VWA7: variants seen among roughly 807,000 people sequenced by gnomAD.
The protein encoded by VWA7 is von Willebrand factor A domain-containing protein 7.
A neutral mutation model predicts 83.1 loss-of-function variants in VWA7; 66 were observed. The ratio of observed to expected loss-of-function variants is 0.79; its 90% CI spans 0.65 to 0.98. VWA7 has a LOEUF of 0.98. VWA7 is among the 50% of genes least tolerant of loss of function. The probability of loss-of-function intolerance (pLI) is 0.00; values close to 1 mark genes in which losing one functional copy is unlikely to be tolerated. For synonymous variants in VWA7, 424 were observed against 488.5 expected, an observed-to-expected ratio of 0.87 and a Z score of 1.74; for missense variants, 1,080 against 1,160.2, an observed-to-expected ratio of 0.93 and a Z score of 1.00.
At position 31,769,807 on chromosome 6, in the gene VWA7, A is replaced by G. The variant is rs1220622482; in HGVS notation, c.1201-16T>C. Reference sequence around the variant, plus strand: ...GCAGGGCCAGCTGGCAGGGAAGGCAACGACCAGTGTTAACAATGGCAGTAG... The same window carrying G: ...GCAGGGCCAGCTGGCAGGGAAGGCAGCGACCAGTGTTAACAATGGCAGTAG... On this transcript the variant is annotated splice_polypyrimidine_tract_variant and intron_variant, in intron 8 of 16. Coordinates refer to ENST00000375688, the MANE Select transcript of VWA7 (RefSeq NM_025258.3). This position sits in a 1 kb window ranked among gnomAD's most constrained non-coding sequence, Gnocchi z 4.5. The G allele has an allele frequency of 3.1e-6, 5 of 1,608,862 alleles. No homozygotes were observed. The Admixed American group carries it at 8.3e-5, about 27-fold the overall frequency.
In VWA7 at chr6:31,773,241, C is replaced by G; in HGVS notation, c.917+1G>C. 1 of 1,601,212 alleles carries G rather than the reference C, an allele frequency of 6.2e-7. No homozygotes were observed. Among genetic ancestry groups the G allele is most frequent in the Non-Finnish European group, 8.5e-7 (1 of 1,174,324 alleles). ...GGGTCCATCCCCAGGAGGCCACTCA[C>G]CTGGAGAAATCCCTGTCTCCCAGGC... On this transcript the variant is annotated splice_donor_variant, in intron 6 of 16. Coordinates refer to ENST00000375688, the MANE Select transcript of VWA7 (RefSeq NM_025258.3). LOFTEE classifies it high-confidence loss of function. The surrounding 1 kb of genome is among the most constrained non-coding windows in gnomAD (Gnocchi z 5.3).
In VWA7 at chr6:31,776,449, G is replaced by C. The variant is rs1812697403; in HGVS notation, c.234+97C>G. 7.1e-6 allele frequency: 9 copies of C among 1,266,182 alleles called. No individual in the cohort carries two copies. In the East Asian group the frequency reaches 2.3e-4, roughly 32 times the overall value. 78.4% of individuals were successfully genotyped at this position (1,266,182 alleles called of 1,614,324 possible). ...TTATTGCTGCAGGGGTGGGGCCATG[G>C]GTGTCTCTTCTCTTGGCAACCAGAG... On this transcript the variant is annotated intron_variant, in intron 2 of 16. Coordinates refer to ENST00000375688, the MANE Select transcript of VWA7 (RefSeq NM_025258.3). The surrounding 1 kb of genome is among the most constrained non-coding windows in gnomAD (Gnocchi z 6.2).
At chr6:31,774,416 G>A in intron 5 of VWA7, 100 bp downstream of exon 5, 1 of 1,135,904 alleles carries the variant, frequency 8.8e-7, no homozygotes, top group Admixed American at 2.1e-5. Flanking sequence ...CTCCTCCTAG[G>A]AGGAGATGCC....
chr6:31,766,450 C>T lies in VWA7; in HGVS notation c.2184+13G>A, dbSNP rs746605859. ...CTCTCCAGCCCCAGCCGCACTTTCC[C>T]CTGGCGTCTCACCTCCAGAAGGACA... On this transcript the variant is annotated intron_variant, in intron 14 of 16. Transcript: ENST00000375688. This position sits in a 1 kb window ranked among gnomAD's most constrained non-coding sequence, Gnocchi z 4.9. 2 of 1,582,366 alleles carry T rather than the reference C, an allele frequency of 1.3e-6. No homozygotes were observed. Among genetic ancestry groups the T allele is most frequent in the Middle Eastern group, 1.7e-4 (1 of 6,010 alleles).
At chr6:31,770,657 G>T (rs1581601738) in intron 7 of VWA7, among the ~76,000 whole-genome samples, 1 of 151,582 alleles carries the variant, frequency 6.6e-6, no homozygotes, top group East Asian at 1.9e-4. Context: ...TCCCTGGTGG[G>T]AAGGTGGCCT....
chr6:31,767,212 G>A lies in VWA7; in HGVS notation c.1828C>T (p.Pro610Ser). ...SLDFLFHFGI[P>S]MEDGPHPGLY... ...CCAGGGTGGGGTCCATCCTCCATGG[G>A]GATCCCAAAGTGGAAGAGGAAGTCC... The change falls in exon 13 of 17, where the codon CCC becomes TCC. Residue 610 changes from proline to serine, a missense_variant. Transcript: ENST00000375688. 2 of 1,604,848 alleles carry A rather than the reference G, an allele frequency of 1.2e-6. No individual in the cohort carries two copies. The highest frequency in any genetic ancestry group is 1.7e-6 in the Non-Finnish European group (2 of 1,177,076).
At chr6:31,771,023 A>AAG (rs1812127723) in intron 7 of VWA7, among the ~76,000 whole-genome samples, 12 of 149,642 alleles carry the variant, frequency 8.0e-5, no homozygotes. Context: ...AAAAAAAAAA[A>AAG]AAAGAAAGAA....
In VWA7 at chr6:31,766,994, G is replaced by C. The variant is rs1280485663; in HGVS notation, c.1882+164C>G. 6.6e-6 allele frequency among the ~76,000 whole-genome samples: 1 copy of C among 150,620 alleles called. No homozygotes were observed. Among genetic ancestry groups the C allele is most frequent in the Non-Finnish European group, 1.5e-5 (1 of 67,836 alleles). ...AATCCATCAAACTGTACACTTTAGT[G>C]CACATTATGTAAATTATAACTCAAT... On this transcript the variant is annotated intron_variant, in intron 13 of 16. Coordinates refer to ENST00000375688, the MANE Select transcript of VWA7 (RefSeq NM_025258.3). The surrounding 1 kb of genome is among the most constrained non-coding windows in gnomAD (Gnocchi z 4.9).
rs770847995 is a variant in VWA7 at position 31,767,387 on chromosome 6, C to T, written c.1764G>A (p.Glu588=). Residue 588 remains glutamate, a synonymous_variant, in exon 12 of 17, where the codon GAG becomes GAA. Transcript: ENST00000375688. The part of the protein sequence containing the change: ...TGTWEIQVTA[E]DTPGVRVQAQ... ...CTTGCACTCTCACCCCAGGGGTGTC[C>T]TCAGCTGTGACCTGGATCTCCCAGG... The T allele has an allele frequency of 1.9e-6, 3 of 1,613,106 alleles. No homozygotes were observed. The highest frequency in any genetic ancestry group is 2.7e-5 in the African/African-American group (2 of 74,854).
At position 31,769,725 on chromosome 6, in the gene VWA7, C is replaced by G. The variant is rs1055928650; in HGVS notation, c.1267G>C (p.Ala423Pro). Residue 423 changes from alanine (A) to proline (P), a missense_variant, in exon 9 of 17, where the codon GCC becomes CCC. Physicochemically the swap from Ala to Pro is conservative, Grantham distance 27. Coordinates refer to ENST00000375688, the MANE Select transcript of VWA7 (RefSeq NM_025258.3). The surrounding 1 kb of genome is among the most constrained non-coding windows in gnomAD (Gnocchi z 4.5). Reference sequence around the variant, plus strand: ...GATTCCACCTGGTTGGTGAGAAAGGCATCCTTGGGGGAGGCATCCGTGAAG... The same window carrying G: ...GATTCCACCTGGTTGGTGAGAAAGGGATCCTTGGGGGAGGCATCCGTGAAG... ...FVFTDASPKDAFLTNQVESLT... is the reference protein window; with the variant it reads ...FVFTDASPKDPFLTNQVESLT... The G allele has an allele frequency of 3.1e-6, 5 of 1,613,060 alleles. No individual in the cohort carries two copies. The highest frequency in any genetic ancestry group is 4.2e-6 in the Non-Finnish European group (5 of 1,180,030).
In VWA7 at chr6:31,766,212, G is replaced by A. The variant is rs1340739696; in HGVS notation, c.2324+33C>T. Reference sequence around the variant, plus strand: ...GGGATAAGCATTGGCCGGGCAAGATGCCAGAGGGAGCTGGAGGGTTCATGA... The same window carrying A: ...GGGATAAGCATTGGCCGGGCAAGATACCAGAGGGAGCTGGAGGGTTCATGA... On this transcript the variant is annotated intron_variant, in intron 15 of 16. Coordinates refer to ENST00000375688, the MANE Select transcript of VWA7 (RefSeq NM_025258.3). The surrounding 1 kb of genome is among the most constrained non-coding windows in gnomAD (Gnocchi z 4.9). 1.9e-6 allele frequency: 3 copies of A among 1,608,548 alleles called. No individual in the cohort carries two copies. Among genetic ancestry groups the A allele is most frequent in the Non-Finnish European group, 2.5e-6 (3 of 1,177,904 alleles).
rs1299279374 is a variant in VWA7, at chr6:31,766,482, A to T, written c.2165T>A (p.Val722Glu). 6.2e-7 allele frequency: 1 copy of T among 1,600,500 alleles called. No homozygotes were observed. Among genetic ancestry groups the T allele is most frequent in the Admixed American group, 1.7e-5 (1 of 58,506 alleles). Residue 722 changes from valine to glutamate, a missense_variant, in exon 14 of 17, where the codon GTA (valine) becomes GAA (glutamate). Transcript: ENST00000375688. The surrounding 1 kb of genome is among the most constrained non-coding windows in gnomAD (Gnocchi z 4.9). ...TCTCACCTCCAGAAGGACAGGGACT[A>T]CAGTGCTAGGCTGAGGGGCAGCCCT... ...LHRAAPQPST[V>E]VPVLLELSGP... is the part of the protein sequence containing the mutation.
intron 5 of VWA7, 44 bp downstream of exon 5, chr6:31,774,472 A>C: frequency 6.4e-7 from 1 of 1,570,436 alleles, no homozygotes; most frequent in Non-Finnish European, 8.7e-7. Context: ...CTGTAAGGGA[A>C]TGACTTTCTC....
In VWA7 at chr6:31,766,018, C is replaced by CA. The variant is rs1562262258; in HGVS notation, c.2363dup (p.Trp789ValfsTer56). 4.3e-6 allele frequency: 7 copies of CA among 1,612,794 alleles called. No homozygotes were observed. Among genetic ancestry groups the CA allele is most frequent in the Non-Finnish European group, 5.1e-6 (6 of 1,180,000 alleles). On this transcript the variant is annotated frameshift_variant, in exon 16 of 17. Transcript: ENST00000375688. LOFTEE classifies it high-confidence loss of function. The surrounding 1 kb of genome is among the most constrained non-coding windows in gnomAD (Gnocchi z 4.9). The stretch of plus-strand genomic sequence containing the variant: ...CCGCTGAATCTGGGACCTCCAGCCA[C>CA]AGGCGGCCCCAGGCCGACTCATTCA...
At chr6:31,770,148 A>G (rs1812038526) in intron 7 of VWA7, 35 bp from the exon 8 acceptor site, 1 of 1,572,808 alleles carries the variant, frequency 6.4e-7, no homozygotes, top group Non-Finnish European at 8.7e-7. Context: ...ATAAGTGAGG[A>G]AAGAGCTCCC....
chr6:31,775,226 G>T lies in VWA7; in HGVS notation c.610+107C>A. On this transcript the variant is annotated intron_variant, in intron 4 of 16. Coordinates refer to ENST00000375688, the MANE Select transcript of VWA7 (RefSeq NM_025258.3). This position sits in a 1 kb window ranked among gnomAD's most constrained non-coding sequence, Gnocchi z 5.9. ...ACTGGGGGACCTCAGTCCTTGTGGA[G>T]ATTAAGTAACATCATACCCTCTGGG... The T allele has an allele frequency of 1.0e-6, 1 of 986,302 alleles. No homozygotes were observed. Among genetic ancestry groups the T allele is most frequent in the Non-Finnish European group, 1.5e-6 (1 of 683,484 alleles). The allele number at this position is 986,302 out of a possible 1,614,324, so 61.1% of individuals were successfully genotyped here.
rs1811928787 is a variant in VWA7, at chr6:31,769,167, G to C, written c.1354C>G (p.Gln452Glu). 6.2e-7 allele frequency: 1 copy of C among 1,613,082 alleles called. No individual in the cohort carries two copies. The highest frequency in any genetic ancestry group is 8.5e-7 in the Non-Finnish European group (1 of 1,180,042). Residue 452 changes from glutamine (Q) to glutamate (E), a missense_variant, in exon 10 of 17, where the codon CAG (glutamine) becomes GAG (glutamate). By Grantham distance (29) the Gln-to-Glu change is conservative. Transcript: ENST00000375688. This position sits in a 1 kb window ranked among gnomAD's most constrained non-coding sequence, Gnocchi z 4.5. ...FLVTEDTSRV[Q>E]GRARREILSP... ...AAGATCTCACGCCGAGCTCGACCCT[G>C]AACCCTTGATGTATCTTCAGTCACC...
intron 10 of VWA7, among the ~76,000 whole-genome samples, chr6:31,768,139 C>CAAAAAAA (rs9279412): frequency 2.5e-4 from 19 of 77,094 alleles, no homozygotes; most frequent in African/African-American, 7.7e-4. Context: ...GACTCTGTCT[C>CAAAAAAA]AAAAAAAAAA....
rs1812517615 is a variant in VWA7, at chr6:31,774,630, G to A, written c.611-4C>T. The stretch of plus-strand genomic sequence containing the variant: ...TCGGAGCAGGTAGGATCGGCCACTG[G>A]GAAGAGAGGGCAGGGCTAGAACCCA... On this transcript the variant is annotated splice_region_variant and splice_polypyrimidine_tract_variant and intron_variant, in intron 4 of 16. Transcript: ENST00000375688. 6.2e-7 allele frequency: 1 copy of A among 1,610,694 alleles called. No individual in the cohort carries two copies. The highest frequency in any genetic ancestry group is 8.5e-7 in the Non-Finnish European group (1 of 1,178,906).
Sources: allele counts gnomAD v4.1 joint callset (sites outside exome capture counted in the v4.1 genomes callset), GRCh38; gene constraint gnomAD v4.1.1; non-coding constraint Gnocchi (gnomAD v3.1); transcripts MANE v1.5; gene names NCBI Gene and HGNC (gene_info 2026-07-23, HGNC 2026-07-21).